GALNTL6: variants seen among roughly 807,000 people sequenced by gnomAD.
The protein encoded by GALNTL6 is polypeptide N-acetylgalactosaminyltransferase-like 6.
Under a neutral mutation model 73.7 loss-of-function variants are expected in GALNTL6, and 46 were observed. The observed-to-expected ratio is 0.62, with a 90% CI of 0.49 to 0.80. The LOEUF (loss-of-function observed/expected upper bound fraction) is 0.80, where lower values mean the gene tolerates loss of function less well. Among genes scored for constraint, GALNTL6 ranks in the 30% least tolerant of loss-of-function variants. The probability of loss-of-function intolerance (pLI) is 0.00; values close to 1 mark genes in which losing one functional copy is unlikely to be tolerated. For missense variants in GALNTL6, 604 were observed against 755.0 expected (o/e 0.80, Z 2.34); for synonymous variants, 259 against 263.7 (o/e 0.98, Z 0.17).
intron 3 of GALNTL6, among the ~76,000 whole-genome samples, chr4:172,248,078 C>T (rs1325139259): frequency 1.3e-5 from 2 of 151,850 alleles, no homozygotes; most frequent in Admixed American, 1.3e-4. Context: ...AGACAGTCCT[C>T]ATAAGGTTTT....
intron 2 of GALNTL6, among the ~76,000 whole-genome samples, chr4:171,927,796 C>T (rs1217397556): frequency 6.6e-6 from 1 of 152,188 alleles, no homozygotes; most frequent in Non-Finnish European, 1.5e-5. Flanking sequence ...CACTGCACAG[C>T]CCCTGCAGCT....
At chr4:171,958,426 A>G (rs1739120211) in intron 2 of GALNTL6, among the ~76,000 whole-genome samples, 1 of 152,176 alleles carries the variant, frequency 6.6e-6, no homozygotes, top group African/African-American at 2.4e-5. Flanking sequence ...AAATGTTTAC[A>G]AATGGGAAAA....
intron 5 of GALNTL6, among the ~76,000 whole-genome samples, chr4:172,382,548 C>A (rs1011840682): frequency 2.6e-5 from 4 of 151,994 alleles, no homozygotes; most frequent in African/African-American, 9.7e-5. Flanking sequence ...CTATTGTGTG[C>A]ATTGTTTCTT....
At chr4:172,714,072 T>C (rs948988449) in intron 5 of GALNTL6, among the ~76,000 whole-genome samples, 4 of 152,050 alleles carry the variant, frequency 2.6e-5, no homozygotes, top group African/African-American at 9.7e-5. Flanking sequence ...CAAAAAGTAG[T>C]TGAGTGTGGT....
At chr4:172,861,796 T>C (rs2111137997) in intron 7 of GALNTL6, among the ~76,000 whole-genome samples, 1 of 152,320 alleles carries the variant, frequency 6.6e-6, no homozygotes, top group Middle Eastern at 3.4e-3. Context: ...CCTGCCACCA[T>C]GTAAGACATG....
Position 173,009,190 on chromosome 4 carries a change from GCAGCAAATCTCTGTGTGGA to G in GALNTL6, c.1391_1409del (p.Asn464SerfsTer9). The G allele has an allele frequency of 6.2e-7, 1 of 1,613,142 alleles. No homozygotes were observed. Among genetic ancestry groups the G allele is most frequent in the Non-Finnish European group, 8.5e-7 (1 of 1,179,078 alleles). On this transcript the variant is annotated frameshift_variant, in exon 11 of 13. Coordinates refer to ENST00000506823, the MANE Select transcript of GALNTL6 (RefSeq NM_001034845.3). LOFTEE classifies it high-confidence loss of function. ...CTTCTTTCCACAGATCCGAAATGTG[GCAGCAAATCTCTGTGTGGA>G]CAGCAAGCATGGAGCCACCGGAACA...
intron 2 of GALNTL6, among the ~76,000 whole-genome samples, chr4:171,834,335 T>C (rs1735048438): frequency 6.6e-6 from 1 of 151,956 alleles, no homozygotes; most frequent in South Asian, 2.1e-4. Context: ...GAGTTAACAT[T>C]CATGCCTCAG....
chr4:172,370,046 A>T (rs1317555408), intron 5 of GALNTL6, among the ~76,000 whole-genome samples: 1 of 152,076 alleles, frequency 6.6e-6, no homozygotes, highest in East Asian at 1.9e-4. Context: ...TAAACAGGAC[A>T]CCCCAACTGC....
chr4:171,911,457 G>A (rs1229197261), intron 2 of GALNTL6, among the ~76,000 whole-genome samples: 1 of 152,108 alleles, frequency 6.6e-6, no homozygotes, highest in Non-Finnish European at 1.5e-5. Flanking sequence ...CAGCCCCTCC[G>A]CTAAGCTTTC....
At chr4:172,817,703 GC>G (rs1579520883) in intron 7 of GALNTL6, among the ~76,000 whole-genome samples, 1 of 152,232 alleles carries the variant, frequency 6.6e-6, no homozygotes, top group East Asian at 1.9e-4. Flanking sequence ...TTTAGAGTGG[GC>G]CCTAAGAAAT....
chr4:172,051,798 C>T (rs1730880564), intron 2 of GALNTL6, among the ~76,000 whole-genome samples: 1 of 152,136 alleles, frequency 6.6e-6, no homozygotes, highest in Non-Finnish European at 1.5e-5. Flanking sequence ...CAGGTAGGGC[C>T]TCTGCCAGGG....
chr4:172,746,048 A>G (rs1737091427), intron 5 of GALNTL6, among the ~76,000 whole-genome samples: 1 of 64,952 alleles, frequency 1.5e-5, no homozygotes, highest in African/African-American at 1.0e-4. Context: ...TAAAATCAAG[A>G]TAATAAAATT....
intron 7 of GALNTL6, among the ~76,000 whole-genome samples, chr4:172,853,863 T>C (rs1040229665): frequency 6.6e-6 from 1 of 152,202 alleles, no homozygotes; most frequent in Admixed American, 6.6e-5. Context: ...CAAAGTAATT[T>C]AGACTCTTCA....
At chr4:172,340,361 G>A (rs1741518576) in intron 4 of GALNTL6, among the ~76,000 whole-genome samples, 2 of 152,248 alleles carry the variant, frequency 1.3e-5, no homozygotes, top group South Asian at 2.1e-4. Flanking sequence ...TATGGTGTAT[G>A]ATCATTTTAA....
At chr4:172,798,919 C>G (rs1381374153) in intron 5 of GALNTL6, among the ~76,000 whole-genome samples, 2 of 152,052 alleles carry the variant, frequency 1.3e-5, no homozygotes, top group African/African-American at 4.8e-5. Flanking sequence ...CTTCATATCT[C>G]AAGACAATCT....
chr4:172,189,119 GA>G (rs148050726), intron 2 of GALNTL6, among the ~76,000 whole-genome samples: 9,936 of 151,876 alleles, frequency 0.065, 533 homozygotes, highest in African/African-American at 0.15. Context: ...TCCATTTTGG[GA>G]AAAAAATGTA....
chr4:172,805,063 G>A (rs1285594310), intron 5 of GALNTL6, among the ~76,000 whole-genome samples: 1 of 152,088 alleles, frequency 6.6e-6, no homozygotes, highest in Non-Finnish European at 1.5e-5. Context: ...TATAGAATTA[G>A]AAAACTAGAA....
At chr4:172,943,409 A>G (rs777134448) in intron 9 of GALNTL6, among the ~76,000 whole-genome samples, 1 of 152,238 alleles carries the variant, frequency 6.6e-6, no homozygotes, top group Non-Finnish European at 1.5e-5. Flanking sequence ...CGGATTGTAC[A>G]GCCTATTTTA....
chr4:172,218,024 C>T (rs1032806445), intron 2 of GALNTL6, among the ~76,000 whole-genome samples: 8 of 151,954 alleles, frequency 5.3e-5, no homozygotes, highest in Non-Finnish European at 1.2e-4. Flanking sequence ...TCTAACCCAC[C>T]GTTTTTATAC....
Sources: gnomAD v4.1 joint callset for allele counts (sites outside exome capture counted in the v4.1 genomes callset) on GRCh38, gnomAD v4.1.1 for gene constraint, MANE v1.5 for transcripts, NCBI Gene and HGNC (gene_info 2026-07-23, HGNC 2026-07-21) for gene names.